GLIS3: variants seen among roughly 807,000 people sequenced by gnomAD.
GLIS3 encodes GLIS family zinc finger 3, also known as zinc finger protein GLIS3.
In GLIS3, 53 loss-of-function variants were observed where a neutral mutation model predicts 78.6. The ratio of observed to expected loss-of-function variants is 0.67; its 90% CI spans 0.54 to 0.85. GLIS3 has a LOEUF of 0.85. GLIS3 is among the 40% of genes least tolerant of loss of function. The pLI, the probability that GLIS3 is intolerant of heterozygous loss-of-function variation, is 0.00. For synonymous variants in GLIS3, 684 were observed against 509.9 expected (o/e 1.34, Z -4.60); for missense variants, 1,703 against 1,231.1 (o/e 1.38, Z -5.74).
intron 2 of GLIS3, among the ~76,000 whole-genome samples, chr9:4,331,533 C>T (rs1433778527): frequency 2.0e-5 from 3 of 152,110 alleles, no homozygotes; most frequent in Admixed American, 6.6e-5. Context: ...CTGATTGGTC[C>T]GTTGAAGCAG....
intron 4 of GLIS3, among the ~76,000 whole-genome samples, chr9:4,086,752 G>A (rs1032207910): frequency 2.6e-5 from 4 of 152,170 alleles, no homozygotes; most frequent in African/African-American, 4.8e-5. Context: ...GTGCACAGGA[G>A]GGACTTTCAG....
intron 1 of GLIS3, among the ~76,000 whole-genome samples, chr9:4,296,965 A>G (rs1477620047): frequency 6.6e-6 from 1 of 151,306 alleles, no homozygotes; most frequent in Non-Finnish European, 1.5e-5. Flanking sequence ...AAATTGCTTC[A>G]AACTTTCTCA....
At chr9:4,186,098 C>A (rs917489158) in intron 2 of GLIS3, among the ~76,000 whole-genome samples, 3 of 151,502 alleles carry the variant, frequency 2.0e-5, no homozygotes, top group Non-Finnish European at 4.4e-5. Context: ...GTGCTGCACA[C>A]ATTAACTCGT....
chr9:4,279,333 A>C, intron 2 of GLIS3, among the ~76,000 whole-genome samples: 1 of 101,016 alleles, frequency 9.9e-6, no homozygotes, highest in Non-Finnish European at 2.0e-5. Context: ...ATACACACAC[A>C]CACACACACA....
At chr9:4,355,868 G>C in the GLIS3 span, among the ~76,000 whole-genome samples, 1 of 152,144 alleles carries the variant, frequency 6.6e-6, no homozygotes, top group South Asian at 2.1e-4. Context: ...CTAGAAAGGG[G>C]CATGTGGGAA....
intron 4 of GLIS3, among the ~76,000 whole-genome samples, chr9:4,012,930 G>A (rs1011055222): frequency 6.6e-6 from 1 of 151,532 alleles, no homozygotes; most frequent in South Asian, 2.1e-4. Flanking sequence ...CCGCCACCAC[G>A]CCCAGCTAAT....
intron 3 of GLIS3, among the ~76,000 whole-genome samples, chr9:4,119,083 C>A (rs1367338519): frequency 2.0e-5 from 3 of 152,052 alleles, no homozygotes; most frequent in Non-Finnish European, 4.4e-5. Flanking sequence ...CCAAGAAGAA[C>A]AATAAAACCT....
intron 2 of GLIS3, among the ~76,000 whole-genome samples, chr9:4,178,007 T>C (rs943783939): frequency 1.3e-5 from 2 of 152,244 alleles, no homozygotes; most frequent in African/African-American, 2.4e-5. Flanking sequence ...TGATTATCAC[T>C]ACCTTTGGGG....
intron 4 of GLIS3, among the ~76,000 whole-genome samples, chr9:4,047,255 A>G (rs891337943): frequency 3.3e-5 from 5 of 152,072 alleles, no homozygotes; most frequent in South Asian, 2.1e-4. Context: ...CCCTTCTGTC[A>G]TGATTGTAAG....
chr9:4,300,786 C>A (rs4741940), upstream of GLIS3, among the ~76,000 whole-genome samples: 1 of 151,582 alleles, frequency 6.6e-6, no homozygotes, highest in African/African-American at 2.4e-5. Context: ...AAAGTCTGCT[C>A]CTAGTAGTTC....
intron 10 of GLIS3, among the ~76,000 whole-genome samples, 154 bp downstream of exon 10, chr9:3,829,156 G>C (rs1303526304): frequency 6.6e-6 from 1 of 151,994 alleles, no homozygotes; most frequent in Non-Finnish European, 1.5e-5. Context: ...GGGCTGGAGG[G>C]GAAGGTGGAG....
the GLIS3 span, among the ~76,000 whole-genome samples, chr9:4,430,241 C>A: frequency 6.6e-6 from 1 of 152,214 alleles, no homozygotes; most frequent in Non-Finnish European, 1.5e-5. Context: ...TCCAACTTAT[C>A]ATTAATGCAT....
the GLIS3 span, among the ~76,000 whole-genome samples, chr9:4,484,046 T>A: frequency 6.6e-6 from 1 of 152,216 alleles, no homozygotes; most frequent in South Asian, 2.1e-4. Flanking sequence ...TTGTTGTTGT[T>A]ATTACCAGCT....
At chr9:4,174,066 A>G (rs957757957) in intron 2 of GLIS3, among the ~76,000 whole-genome samples, 3 of 152,222 alleles carry the variant, frequency 2.0e-5, no homozygotes, top group Admixed American at 6.5e-5. Context: ...CCTCTTTAGG[A>G]AAGTCTAGTT....
intron 2 of GLIS3, among the ~76,000 whole-genome samples, chr9:4,284,809 T>C (rs1245122935): frequency 6.6e-6 from 1 of 151,608 alleles, no homozygotes; most frequent in Admixed American, 6.6e-5. Context: ...TCCCAGCTAC[T>C]TGGGGGACTG....
chr9:4,264,056 T>C (rs1045347233), intron 2 of GLIS3, among the ~76,000 whole-genome samples: 1 of 152,198 alleles, frequency 6.6e-6, no homozygotes, highest in Non-Finnish European at 1.5e-5. Context: ...TATCCAACCA[T>C]GTACCCAACA....
At chr9:4,393,497 T>C in the GLIS3 span, among the ~76,000 whole-genome samples, 1 of 152,350 alleles carries the variant, frequency 6.6e-6, no homozygotes, top group Admixed American at 6.5e-5. Context: ...ATATCTTTTC[T>C]AACCATTTGG....
At chr9:4,443,882 A>G in the GLIS3 span, among the ~76,000 whole-genome samples, 280 of 152,346 alleles carry the variant, frequency 1.8e-3, 1 homozygote, top group Non-Finnish European at 1.6e-3. Context: ...AGTCAAAATT[A>G]TGTTAATCTG....
chr9:3,829,792 G>A (rs1817942676), intron 9 of GLIS3, among the ~76,000 whole-genome samples: 1 of 152,106 alleles, frequency 6.6e-6, no homozygotes, highest in South Asian at 2.1e-4. Context: ...GACATTCAAG[G>A]CCTGACCTTC....
Sources: allele counts gnomAD v4.1 joint callset (sites outside exome capture counted in the v4.1 genomes callset), GRCh38; gene constraint gnomAD v4.1.1; transcripts MANE v1.5; gene names NCBI Gene and HGNC (gene_info 2026-07-23, HGNC 2026-07-21).